Variants in MINK1 observed in about 807,000 individuals in gnomAD.
MINK1 encodes the protein misshapen-like kinase 1.
MINK1 carries 46 observed loss-of-function variants against 178.4 expected under a neutral mutation model. That is an observed-to-expected ratio of 0.26 (90% confidence interval 0.20 to 0.33). The LOEUF (loss-of-function observed/expected upper bound fraction) is 0.33. Ranked by LOEUF, MINK1 falls within the 10% of genes least tolerant of loss-of-function variation. The probability of loss-of-function intolerance (pLI) is 1.00; values close to 1 mark genes in which losing one functional copy is unlikely to be tolerated. For synonymous variants in MINK1, 797 were observed against 709.7 expected, an observed-to-expected ratio of 1.12 and a Z score of -1.96; for missense variants, 1,366 against 1,814.9, an observed-to-expected ratio of 0.75 and a Z score of 4.49.
At chr17:4,872,639 G>T (rs902758721) in intron 1 of MINK1, among the ~76,000 whole-genome samples, 4 of 151,888 alleles carry the variant, frequency 2.6e-5, no homozygotes, top group African/African-American at 9.7e-5. Context: ...AAGTTTGGTG[G>T]TGCGCGCCTG....
rs1376456601 is a variant in MINK1, at chr17:4,894,797, C to T, written c.2917+164C>T. On this transcript the variant is annotated intron_variant, in intron 24 of 31. Transcript: ENST00000355280. The surrounding 1 kb of genome is among the most constrained non-coding windows in gnomAD (Gnocchi z 4.1). ...AGAGGCAAGGAAGAGCCTCTGAGAC[C>T]CCTCCTTCCTGTCCCACAGGACAGG... 5 of 643,884 alleles carry T rather than the reference C, an allele frequency of 7.8e-6. No individual in the cohort carries two copies. Among genetic ancestry groups the T allele is most frequent in the Non-Finnish European group, 1.3e-5 (5 of 372,456 alleles). 39.9% of individuals were successfully genotyped at this position (643,884 alleles called of 1,614,324 possible).
intron 1 of MINK1, among the ~76,000 whole-genome samples, chr17:4,846,968 T>C (rs994057515): frequency 2.6e-5 from 4 of 152,332 alleles, no homozygotes; most frequent in East Asian, 1.9e-4. Flanking sequence ...TCGTGTGAGA[T>C]TGGTCAGTGT....
chr17:4,871,465 G>A lies in MINK1; in HGVS notation c.58-6852G>A, dbSNP rs144063322. 2.7e-3 allele frequency among the ~76,000 whole-genome samples: 408 copies of A among 152,078 alleles called. 1 individual carries two copies. The highest frequency in any genetic ancestry group is 9.6e-3 in the African/African-American group (397 of 41,496). On this transcript the variant is annotated intron_variant, in intron 1 of 31. Coordinates refer to ENST00000355280, the MANE Select transcript of MINK1 (RefSeq NM_153827.5). Reference sequence around the variant, plus strand: ...GACCTCAAGTGATCCTCCCGCCTCTGCCTCCCAAAGTGCTGGGGTTATAGA... The same window carrying A: ...GACCTCAAGTGATCCTCCCGCCTCTACCTCCCAAAGTGCTGGGGTTATAGA...
intron 1 of MINK1, among the ~76,000 whole-genome samples, chr17:4,840,720 C>T (rs1910086942): frequency 6.6e-6 from 1 of 152,136 alleles, no homozygotes; most frequent in African/African-American, 2.4e-5. Context: ...ACAAGACTCT[C>T]CATTTACATT....
At chr17:4,861,613 G>A (rs1340691892) in intron 1 of MINK1, 3 of 243,014 alleles carry the variant, frequency 1.2e-5, no homozygotes, top group African/African-American at 7.0e-5. Flanking sequence ...CGATTCTCCT[G>A]CCCCAGCCTC....
chr17:4,889,546 C>T (rs73341692), intron 12 of MINK1, 101 bp from the exon 13 acceptor site: 12 of 1,021,822 alleles, frequency 1.2e-5, no homozygotes, highest in Non-Finnish European at 1.5e-5. Flanking sequence ...CTCTTACCAC[C>T]CTCCGTGGTG....
rs138909179 is a variant in MINK1 at position 4,896,942 on chromosome 17, G to A, written c.3915+129G>A. ...AGCGGGCCCCTCTGGGAGCTCAGAG[G>A]GCAGTCAGCCACTACCACTGCCCTG... On this transcript the variant is annotated intron_variant, in intron 31 of 31. Coordinates refer to ENST00000355280, the MANE Select transcript of MINK1 (RefSeq NM_153827.5). This position sits in a 1 kb window ranked among gnomAD's most constrained non-coding sequence, Gnocchi z 4.6. The A allele has an allele frequency of 1.8e-4, 234 of 1,268,292 alleles. No individual in the cohort carries two copies. In the African/African-American group the frequency reaches 3.3e-3, roughly 18 times the overall value. The allele number at this position is 1,268,292 out of a possible 1,614,324, so 78.6% of individuals were successfully genotyped here.
At position 4,897,548 on chromosome 17, in the gene MINK1, A is replaced by G; in HGVS notation, c.*261A>G. 2.1e-6 allele frequency: 1 copy of G among 477,890 alleles called. No individual in the cohort carries two copies. Among genetic ancestry groups the G allele is most frequent in the Non-Finnish European group, 3.8e-6 (1 of 265,002 alleles). 29.6% of individuals were successfully genotyped at this position (477,890 alleles called of 1,614,324 possible). A position where few individuals can be genotyped will look rare whatever the true frequency, so the allele number is the denominator to read the frequency against. On this transcript the variant is annotated 3_prime_UTR_variant, in exon 32 of 32. Transcript: ENST00000355280. Reference sequence around the variant, plus strand: ...CACAGCTTCCCCTTCCCAGGAATTGAGTGGGCCTAGCCCCTCCCCCCTTTT... The same window carrying G: ...CACAGCTTCCCCTTCCCAGGAATTGGGTGGGCCTAGCCCCTCCCCCCTTTT...
intron 1 of MINK1, among the ~76,000 whole-genome samples, chr17:4,854,933 G>A (rs889720380): frequency 1.3e-4 from 20 of 152,164 alleles, no homozygotes; most frequent in Admixed American, 9.2e-4. Flanking sequence ...CAGGCTGGGC[G>A]CGGTGGCTCC....
At chr17:4,841,943 C>T (rs1036991627) in intron 1 of MINK1, among the ~76,000 whole-genome samples, 3 of 151,700 alleles carry the variant, frequency 2.0e-5, no homozygotes, top group Admixed American at 6.6e-5. Flanking sequence ...TTGGGAGCAC[C>T]GGGCACGGTG....
chr17:4,871,180 AATTT>A, intron 1 of MINK1: 4 of 168,130 alleles, frequency 2.4e-5, no homozygotes, highest in South Asian at 6.9e-5. Flanking sequence ...TGTTTGTTTT[AATTT>A]TTTTTTTTTT....
At chr17:4,839,465 A>G (rs1909851470) in intron 1 of MINK1, among the ~76,000 whole-genome samples, 1 of 152,212 alleles carries the variant, frequency 6.6e-6, no homozygotes, top group Non-Finnish European at 1.5e-5. Context: ...AACAAAAGTG[A>G]TCAGGTTAAT....
rs1193469733 is a variant in MINK1 at position 4,885,278 on chromosome 17, C to G, written c.509-205C>G. Among the ~76,000 whole-genome samples the G allele has an allele frequency of 6.6e-6, 1 of 152,134 alleles. No individual in the cohort carries two copies. The highest frequency in any genetic ancestry group is 1.5e-5 in the Non-Finnish European group (1 of 68,042). On this transcript the variant is annotated intron_variant, in intron 6 of 31. Coordinates refer to ENST00000355280, the MANE Select transcript of MINK1 (RefSeq NM_153827.5). This position sits in a 1 kb window ranked among gnomAD's most constrained non-coding sequence, Gnocchi z 5.0. ...TCCTGCCTGGGATGCTGTCCGTGAT[C>G]CTTTTACCTGGGTTTTTCTCTAAGA...
At chr17:4,875,396 G>T (rs1198528337) in intron 1 of MINK1, 1 of 438,912 alleles carries the variant, frequency 2.3e-6, no homozygotes, top group African/African-American at 2.0e-5. Context: ...GATTGCTTGA[G>T]CCCAGGAGTT....
chr17:4,886,748 C>T lies in MINK1; in HGVS notation c.949+122C>T. Reference sequence around the variant, plus strand: ...CCTCCTTGGCCCCAGCTCTCCCTGTCCAAGGAGATCGTTCTCAAACTTGCA... The same window carrying T: ...CCTCCTTGGCCCCAGCTCTCCCTGTTCAAGGAGATCGTTCTCAAACTTGCA... On this transcript the variant is annotated intron_variant, in intron 10 of 31. Transcript: ENST00000355280. This position sits in a 1 kb window ranked among gnomAD's most constrained non-coding sequence, Gnocchi z 6.1. 1 of 1,135,134 alleles carries T rather than the reference C, an allele frequency of 8.8e-7. No homozygotes were observed. Among genetic ancestry groups the T allele is most frequent in the Non-Finnish European group, 1.2e-6 (1 of 827,096 alleles). 70.3% of individuals were successfully genotyped at this position (1,135,134 alleles called of 1,614,324 possible). A position where few individuals can be genotyped will look rare whatever the true frequency, so the allele number is the denominator to read the frequency against.
At chr17:4,869,795 TTTTTA>T (rs1915619075) in intron 1 of MINK1, among the ~76,000 whole-genome samples, 1 of 145,480 alleles carries the variant, frequency 6.9e-6, no homozygotes, top group Admixed American at 7.0e-5. Context: ...TATTTATTCA[TTTTTA>T]TTTTATTTAT....
chr17:4,847,729 C>T (rs571769292), intron 1 of MINK1, among the ~76,000 whole-genome samples: 11 of 152,110 alleles, frequency 7.2e-5, no homozygotes, highest in South Asian at 2.1e-4. Flanking sequence ...CTGACAGAAA[C>T]GGGGGGTGCC....
intron 1 of MINK1, among the ~76,000 whole-genome samples, chr17:4,866,065 C>T (rs922758761): frequency 1.3e-5 from 2 of 152,230 alleles, no homozygotes; most frequent in East Asian, 3.8e-4. Context: ...CAGTTACTCA[C>T]TGTTCTATTC....
rs749017723 is a variant in MINK1, at chr17:4,885,279, C to G, written c.509-204C>G. Among the ~76,000 whole-genome samples the G allele has an allele frequency of 5.3e-5, 8 of 152,142 alleles. No homozygotes were observed. The highest frequency in any genetic ancestry group is 2.0e-4 in the Admixed American group (3 of 15,270). ...CCTGCCTGGGATGCTGTCCGTGATC[C>G]TTTTACCTGGGTTTTTCTCTAAGAT... On this transcript the variant is annotated intron_variant, in intron 6 of 31. Transcript: ENST00000355280. The surrounding 1 kb of genome is among the most constrained non-coding windows in gnomAD (Gnocchi z 5.0).
Sources: gnomAD v4.1 joint callset for allele counts (sites outside exome capture counted in the v4.1 genomes callset) on GRCh38, gnomAD v4.1.1 for gene constraint, Gnocchi (gnomAD v3.1) non-coding constraint, MANE v1.5 for transcripts, NCBI Gene and HGNC (gene_info 2026-07-23, HGNC 2026-07-21) for gene names.